PTPRD: variants seen among roughly 807,000 people sequenced by gnomAD.
PTPRD encodes receptor-type tyrosine-protein phosphatase delta.
PTPRD carries 34 observed loss-of-function variants against 214.5 expected under a neutral mutation model. The observed-to-expected ratio is 0.16, with a 90% CI of 0.12 to 0.21. The LOEUF is 0.21. Among genes scored for constraint, PTPRD ranks in the 10% least tolerant of loss-of-function variants. The probability of loss-of-function intolerance (pLI) is 1.00; values close to 1 mark genes in which losing one functional copy is unlikely to be tolerated. For missense variants in PTPRD, 2,545 were observed against 2,398.7 expected (o/e 1.06, Z -1.27); for synonymous variants, 1,128 against 845.7 (o/e 1.33, Z -5.79).
chr9:8,920,971 G>A (rs182988563), intron 11 of PTPRD, among the ~76,000 whole-genome samples: 80 of 152,076 alleles, frequency 5.3e-4, no homozygotes, highest in Non-Finnish European at 1.0e-3. Context: ...ACGCCCCCAC[G>A]CCAGGCTTAC....
At chr9:9,154,418 G>C (rs995793505) in intron 10 of PTPRD, among the ~76,000 whole-genome samples, 1 of 125,564 alleles carries the variant, frequency 8.0e-6, no homozygotes, top group Non-Finnish European at 1.6e-5. Flanking sequence ...TCTCTTTCTG[G>C]CTTGCAGAGG....
At chr9:8,829,933 T>G (rs948461252) in intron 11 of PTPRD, among the ~76,000 whole-genome samples, 3 of 152,172 alleles carry the variant, frequency 2.0e-5, no homozygotes, top group Non-Finnish European at 4.4e-5. Flanking sequence ...ACTATATAAT[T>G]CTATAAAACA....
chr9:9,997,780 G>T (rs1447841727), intron 4 of PTPRD, among the ~76,000 whole-genome samples: 1 of 151,956 alleles, frequency 6.6e-6, no homozygotes, highest in African/African-American at 2.4e-5. Context: ...GAAAGTAGGT[G>T]CACCCAACAT....
In PTPRD at chr9:9,035,114, G is replaced by A. The variant is rs9650712; in HGVS notation, c.-142-16379C>T. ...ATCTCACTAAATATTTGTATTCATA[G>A]TGTCTAGCATAGAGTCTGGCACATG... On this transcript the variant is annotated intron_variant, in intron 10 of 45. Coordinates refer to ENST00000381196, the MANE Select transcript of PTPRD (RefSeq NM_002839.4). Among the ~76,000 whole-genome samples the A allele has an allele frequency of 4.8e-3, 724 of 152,208 alleles. 3 individuals carry two copies. The highest frequency in any genetic ancestry group is 8.2e-3 in the Non-Finnish European group (558 of 67,998).
intron 12 of PTPRD, among the ~76,000 whole-genome samples, chr9:8,714,260 A>T (rs1209650926): frequency 6.6e-6 from 1 of 152,216 alleles, no homozygotes; most frequent in African/African-American, 2.4e-5. Context: ...ATCCTAACAA[A>T]GCACAAATAT....
intron 11 of PTPRD, among the ~76,000 whole-genome samples, chr9:8,843,859 G>A (rs771094621): frequency 6.6e-6 from 1 of 152,150 alleles, no homozygotes; most frequent in Non-Finnish European, 1.5e-5. Flanking sequence ...GACCAAGATG[G>A]AGAGGTCAGC....
intron 11 of PTPRD, among the ~76,000 whole-genome samples, chr9:8,756,774 A>T (rs187170643): frequency 1.7e-3 from 255 of 151,754 alleles, no homozygotes; most frequent in Admixed American, 4.0e-3. Context: ...AAAAATAATT[A>T]AAAAAAAATT....
intron 3 of PTPRD, among the ~76,000 whole-genome samples, chr9:10,233,004 A>G (rs563267124): frequency 6.6e-6 from 1 of 152,168 alleles, no homozygotes; most frequent in East Asian, 1.9e-4. Flanking sequence ...TAAAACAAGC[A>G]TCAGGAATGT....
At chr9:9,743,769 C>CACA (rs1554959352) in intron 6 of PTPRD, among the ~76,000 whole-genome samples, 1 of 146,270 alleles carries the variant, frequency 6.8e-6, no homozygotes, top group African/African-American at 2.7e-5. Context: ...CACACACACA[C>CACA]AATTTATACT....
chr9:10,447,468 A>G (rs1218608284), intron 2 of PTPRD, among the ~76,000 whole-genome samples: 1 of 152,016 alleles, frequency 6.6e-6, no homozygotes, highest in Non-Finnish European at 1.5e-5. Flanking sequence ...TGGAAACCTG[A>G]ACCTCTGCCA....
rs546445538 is a variant in PTPRD at position 9,171,700 on chromosome 9, A to G, written c.-143+11604T>C. On this transcript the variant is annotated intron_variant, in intron 10 of 45. Transcript: ENST00000381196. ...TTGATGAGGAAAAAACTACTCTTCT[A>G]TAAGTGGCACTAGGTTTAATATTAT... Among the ~76,000 whole-genome samples the G allele has an allele frequency of 1.1e-4, 16 of 152,160 alleles. No homozygotes were observed. In the South Asian group the frequency reaches 3.1e-3, roughly 30 times the overall value.
chr9:9,887,887 T>C (rs1359663993), intron 5 of PTPRD, among the ~76,000 whole-genome samples: 1 of 152,086 alleles, frequency 6.6e-6, no homozygotes, highest in Non-Finnish European at 1.5e-5. Context: ...AAGACAAATG[T>C]GTCCCAGTAA....
At chr9:9,323,201 T>G (rs1433598132) in intron 9 of PTPRD, among the ~76,000 whole-genome samples, 2 of 151,826 alleles carry the variant, frequency 1.3e-5, no homozygotes, top group African/African-American at 4.9e-5. Context: ...AAATCATTAC[T>G]CTGTATTTTA....
intron 11 of PTPRD, among the ~76,000 whole-genome samples, chr9:8,981,889 A>G (rs1212609456): frequency 6.6e-6 from 1 of 152,014 alleles, no homozygotes; most frequent in Non-Finnish European, 1.5e-5. Flanking sequence ...GTTAAAAATC[A>G]TTTGTCTTTT....
intron 11 of PTPRD, among the ~76,000 whole-genome samples, chr9:8,948,329 C>A (rs2099078479): frequency 7.2e-6 from 1 of 139,400 alleles, no homozygotes. Context: ...AGTTTGGGCT[C>A]TTAACCACTA....
chr9:9,797,801 T>G (rs2099013191), intron 5 of PTPRD, among the ~76,000 whole-genome samples: 2 of 151,986 alleles, frequency 1.3e-5, no homozygotes, highest in Admixed American at 1.3e-4. Flanking sequence ...TAAGCTGAGA[T>G]CGCGCCATCG....
At chr9:9,009,364 C>T (rs906880262) in intron 11 of PTPRD, among the ~76,000 whole-genome samples, 14 of 151,992 alleles carry the variant, frequency 9.2e-5, no homozygotes, top group Non-Finnish European at 1.3e-4. Flanking sequence ...TTTCACAATC[C>T]TAAAGGTAGT....
Position 10,467,081 on chromosome 9 carries a change from T to G in PTPRD, c.-599-126064A>C, listed in dbSNP as rs544308701. Among the ~76,000 whole-genome samples the G allele has an allele frequency of 8.2e-4, 125 of 152,302 alleles. 1 individual carries two copies. The South Asian group carries it at 0.025, about 31-fold the overall frequency. On this transcript the variant is annotated intron_variant, in intron 2 of 45. Coordinates refer to ENST00000381196, the MANE Select transcript of PTPRD (RefSeq NM_002839.4). Reference sequence around the variant, plus strand: ...CACTCTGACCTGTGACTACCCTCACTCAGAAGACATTGCCAGTTGTTTTGA... The same window carrying G: ...CACTCTGACCTGTGACTACCCTCACGCAGAAGACATTGCCAGTTGTTTTGA...
chr9:9,175,257 C>G (rs2099923935), intron 10 of PTPRD, among the ~76,000 whole-genome samples: 1 of 152,090 alleles, frequency 6.6e-6, no homozygotes, highest in Non-Finnish European at 1.5e-5. Context: ...GAACAATTAA[C>G]CACTAAAATC....
Sources: allele counts gnomAD v4.1 joint callset (sites outside exome capture counted in the v4.1 genomes callset), GRCh38; gene constraint gnomAD v4.1.1; transcripts MANE v1.5; gene names NCBI Gene and HGNC (gene_info 2026-07-23, HGNC 2026-07-21).